CEP192: variants seen among roughly 807,000 people sequenced by gnomAD.
CEP192 encodes the protein centrosomal protein of 192 kDa.
CEP192 carries 151 observed loss-of-function variants against 271.8 expected under a neutral mutation model. The ratio of observed to expected loss-of-function variants is 0.56; its 90% CI spans 0.49 to 0.64. The LOEUF is 0.64. Ranked by LOEUF, CEP192 falls within the 30% of genes least tolerant of loss-of-function variation. The probability of loss-of-function intolerance (pLI) is 0.00; values close to 1 mark genes in which losing one functional copy is unlikely to be tolerated. For synonymous variants in CEP192, 995 were observed against 1,076.5 expected (o/e 0.92, Z 1.48); for missense variants, 2,910 against 3,020.5 (o/e 0.96, Z 0.86).
Position 13,072,803 on chromosome 18 carries a change from T to C in CEP192, c.5397T>C (p.His1799=). Reference sequence around the variant, plus strand: ...ATAATTCTGCATCTACAACTCAACATTTACGACTGCTTATTAGAGGACAAG... The same window carrying C: ...ATAATTCTGCATCTACAACTCAACACTTACGACTGCTTATTAGAGGACAAG... ...LRNNSASTTQ[H]LRLLIRGQDQ... The change falls in exon 29 of 45, where the codon CAT becomes CAC. Residue 1799 remains histidine, a synonymous_variant. Transcript: ENST00000506447. The C allele has an allele frequency of 6.2e-7, 1 of 1,613,234 alleles. No homozygotes were observed. Among genetic ancestry groups the C allele is most frequent in the South Asian group, 1.1e-5 (1 of 91,062 alleles).
rs556289058 is a variant in CEP192, at chr18:13,014,305, T to G, written c.520-1023T>G. ...AGTATAGAAACATGAGATGCTTGAT[T>G]AAAAAGAGGAAGAAATGAGAATAGG... On this transcript the variant is annotated intron_variant, in intron 5 of 44. Transcript: ENST00000506447. 7.9e-5 allele frequency among the ~76,000 whole-genome samples: 12 copies of G among 152,258 alleles called. No individual in the cohort carries two copies. The South Asian group carries it at 2.5e-3, about 32-fold the overall frequency.
chr18:13,123,011 A>G (rs1294561237), intron 44 of CEP192, among the ~76,000 whole-genome samples: 1 of 152,236 alleles, frequency 6.6e-6, no homozygotes, highest in African/African-American at 2.4e-5. Context: ...TCTAAAGCAG[A>G]TGATATATTT....
chr18:13,048,786 T>C, intron 15 of CEP192, 73 bp from the exon 16 acceptor site: 1 of 1,021,970 alleles, frequency 9.8e-7, no homozygotes, highest in Non-Finnish European at 1.4e-6. Flanking sequence ...CATCTCCCAA[T>C]GATAATGGGG....
At chr18:13,006,278 T>C (rs2033975340) in intron 3 of CEP192, among the ~76,000 whole-genome samples, 1 of 152,158 alleles carries the variant, frequency 6.6e-6, no homozygotes, top group African/African-American at 2.4e-5. Flanking sequence ...TTTGACCTTT[T>C]TTTTTAATGG....
At chr18:13,088,928 T>C in intron 32 of CEP192, 1 of 446,596 alleles carries the variant, frequency 2.2e-6, no homozygotes, top group Non-Finnish European at 4.5e-6. Flanking sequence ...TTTTTTTCTC[T>C]CAATTGGGAT....
At chr18:13,032,476 A>G (rs1242580602) in intron 11 of CEP192, among the ~76,000 whole-genome samples, 2 of 152,168 alleles carry the variant, frequency 1.3e-5, no homozygotes, top group Non-Finnish European at 2.9e-5. Flanking sequence ...AAAAATGATG[A>G]TGCAGACCGA....
At chr18:13,124,585 C>T (rs200997340) in intron 44 of CEP192, 47 bp from the exon 45 acceptor site, 516 of 1,567,318 alleles carry the variant, frequency 3.3e-4, no homozygotes, top group African/African-American at 4.3e-4. Flanking sequence ...GACAGGGTCA[C>T]GGGTGCTGTC....
chr18:13,068,046 G>A (rs748220660), intron 22 of CEP192, 48 bp from the exon 23 acceptor site: 2 of 1,608,806 alleles, frequency 1.2e-6, no homozygotes, highest in African/African-American at 2.7e-5. Context: ...AGCAAACTTA[G>A]CATTACACTG....
At chr18:13,069,909 C>G in intron 27 of CEP192, 53 bp downstream of exon 27, 1 of 1,121,650 alleles carries the variant, frequency 8.9e-7, no homozygotes, top group South Asian at 1.3e-5. Context: ...GCCTGTAATC[C>G]CAGCACTTTG....
rs942836941 is a variant in CEP192 at position 13,057,517 on chromosome 18, A to C, written c.4109-68A>C. 4.5e-5 allele frequency: 70 copies of C among 1,552,158 alleles called. No individual in the cohort carries two copies. The African/African-American group carries it at 8.3e-4, about 18-fold the overall frequency. Reference sequence around the variant, plus strand: ...CATCTTATAAACTCATTGCCATTTAACAGATTTGGCTTATAATCAGGGGTT... The same window carrying C: ...CATCTTATAAACTCATTGCCATTTACCAGATTTGGCTTATAATCAGGGGTT... On this transcript the variant is annotated intron_variant, in intron 19 of 44. Coordinates refer to ENST00000506447, the MANE Select transcript of CEP192 (RefSeq NM_032142.4).
chr18:13,095,765 C>T, intron 35 of CEP192, 84 bp downstream of exon 35: 1 of 1,158,554 alleles, frequency 8.6e-7, no homozygotes, highest in South Asian at 1.5e-5. Context: ...CTATCCAAGA[C>T]ACACATGGGC....
At chr18:13,118,556 T>C (rs1029268877) in intron 44 of CEP192, among the ~76,000 whole-genome samples, 4 of 152,224 alleles carry the variant, frequency 2.6e-5, no homozygotes, top group Non-Finnish European at 5.9e-5. Flanking sequence ...TTAATATGCT[T>C]GAGGGCTAAA....
chr18:13,097,688 G>C (rs1235440585), intron 36 of CEP192, among the ~76,000 whole-genome samples: 8 of 137,350 alleles, frequency 5.8e-5, no homozygotes, highest in East Asian at 2.1e-4. Context: ...GGTGTTTCTC[G>C]CAGAGGGGGA....
intron 20 of CEP192, chr18:13,057,954 T>A (rs1431040480): frequency 3.3e-6 from 1 of 303,058 alleles, no homozygotes; most frequent in Non-Finnish European, 5.9e-6. Context: ...ATTTTATTGT[T>A]ATTTATTGGT....
At position 13,103,525 on chromosome 18, in the gene CEP192, C is replaced by G. The variant is rs573613375; in HGVS notation, c.6888C>G (p.Leu2296=). 65 of 1,613,702 alleles carry G rather than the reference C, an allele frequency of 4.0e-5. No homozygotes were observed. In the Middle Eastern group the frequency reaches 1.3e-3, roughly 33 times the overall value. Residue 2296 remains leucine (L), a synonymous_variant, in exon 39 of 45, where the codon CTC becomes CTG. Coordinates refer to ENST00000506447, the MANE Select transcript of CEP192 (RefSeq NM_032142.4). The part of the protein sequence containing the change: ...PGETSESCLE[L]ENHGTTDVKW... ...TCCTTTTAGAGAGCTGTCTAGAACT[C>G]GAGAATCATGGCACCACAGACGTGA...
intron 11 of CEP192, among the ~76,000 whole-genome samples, chr18:13,036,178 T>A (rs75511126): frequency 0.019 from 2,833 of 152,196 alleles, 83 homozygotes; most frequent in African/African-American, 0.064. Flanking sequence ...TTGTTTTTTT[T>A]AATAAGAAAT....
chr18:13,064,611 CAAAA>C (rs552202874), intron 21 of CEP192, among the ~76,000 whole-genome samples: 1 of 64,510 alleles, frequency 1.6e-5, no homozygotes, highest in Non-Finnish European at 3.4e-5. Flanking sequence ...GACTCCATCT[CAAAA>C]AAAAAAAAAA....
chr18:13,049,418 T>C lies in CEP192; in HGVS notation c.2627T>C (p.Val876Ala), dbSNP rs369043057. Residue 876 changes from valine to alanine, a missense_variant, in exon 16 of 45, where the codon GTA becomes GCA. Transcript: ENST00000506447. ...SVTNRENNSA[V>A]VDVKTCSIDN... Reference sequence around the variant, plus strand: ...ACAAATAGAGAGAATAACAGTGCAGTAGTTGATGTGAAGACATGTTCCATT... The same window carrying C: ...ACAAATAGAGAGAATAACAGTGCAGCAGTTGATGTGAAGACATGTTCCATT... 1.2e-6 allele frequency: 2 copies of C among 1,614,090 alleles called. No homozygotes were observed. The highest frequency in any genetic ancestry group is 1.3e-5 in the African/African-American group (1 of 75,040).
Position 13,019,205 on chromosome 18 carries a change from G to A in CEP192, c.1049G>A (p.Ser350Asn). Residue 350 changes from serine to asparagine, a missense_variant and splice_region_variant, in exon 9 of 45, where the codon AGT (serine) becomes AAT (asparagine). By Grantham distance (46) the Ser-to-Asn change is conservative (BLOSUM62 1). Transcript: ENST00000506447. ...NLKGIVPDLN[S>N]ECASKDVLVK... ...AAGGGTATTGTTCCAGATCTTAACA[G>A]TGTAAGTTATGCATTTTTCTTAGAT... 3 of 1,495,558 alleles carry A rather than the reference G, an allele frequency of 2.0e-6. No individual in the cohort carries two copies. The highest frequency in any genetic ancestry group is 1.4e-5 in the African/African-American group (1 of 69,610). 92.6% of individuals were successfully genotyped at this position (1,495,558 alleles called of 1,614,324 possible). A position where few individuals can be genotyped will look rare whatever the true frequency, so the allele number is the denominator to read the frequency against.
Sources: gnomAD v4.1 joint callset for allele counts (sites outside exome capture counted in the v4.1 genomes callset) on GRCh38, gnomAD v4.1.1 for gene constraint, MANE v1.5 for transcripts, NCBI Gene and HGNC (gene_info 2026-07-23, HGNC 2026-07-21) for gene names.